The following KCNB2 variants were observed in gnomAD, a reference collection of about 807,000 sequenced individuals.
KCNB2 encodes the protein potassium voltage-gated channel subfamily B member 2.
KCNB2 carries 15 observed loss-of-function variants against 61.5 expected under a neutral mutation model. The observed-to-expected ratio is 0.24, with a 90% CI of 0.16 to 0.38. The LOEUF (loss-of-function observed/expected upper bound fraction) is 0.38, where lower values mean the gene tolerates loss of function less well. KCNB2 is among the 10% of genes least tolerant of loss of function. The pLI is 1.00. For synonymous variants in KCNB2, 457 were observed against 446.0 expected (o/e 1.02, Z -0.31); for missense variants, 828 against 1,125.2 (o/e 0.74, Z 3.78).
intron 2 of KCNB2, among the ~76,000 whole-genome samples, chr8:72,902,780 C>T (rs1236075803): frequency 2.6e-5 from 4 of 152,208 alleles, no homozygotes; most frequent in African/African-American, 4.8e-5. Context: ...GTATTACTGA[C>T]TTGTTCTGTG....
chr8:72,736,075 T>C (rs553579875), intron 2 of KCNB2, among the ~76,000 whole-genome samples: 2 of 152,256 alleles, frequency 1.3e-5, no homozygotes, highest in African/African-American at 4.8e-5. Flanking sequence ...ATTTCTCAAG[T>C]TTTACACCAA....
At chr8:72,658,038 A>G (rs949241615) in intron 2 of KCNB2, among the ~76,000 whole-genome samples, 2 of 152,130 alleles carry the variant, frequency 1.3e-5, no homozygotes, top group African/African-American at 4.8e-5. Flanking sequence ...TAAACCTACA[A>G]TGGCCTCTAA....
At chr8:72,599,018 C>T (rs1212706728) in intron 2 of KCNB2, among the ~76,000 whole-genome samples, 1 of 152,182 alleles carries the variant, frequency 6.6e-6, no homozygotes, top group Admixed American at 6.5e-5. Flanking sequence ...AATGGCCATA[C>T]TGCCCAAGGT....
intron 2 of KCNB2, among the ~76,000 whole-genome samples, chr8:72,699,371 T>A (rs1329595860): frequency 6.6e-6 from 1 of 152,224 alleles, no homozygotes; most frequent in Non-Finnish European, 1.5e-5. Context: ...TTCATATGTT[T>A]GTTGGCCGCA....
intron 2 of KCNB2, among the ~76,000 whole-genome samples, chr8:72,585,460 G>T (rs1449145938): frequency 6.6e-6 from 1 of 152,172 alleles, no homozygotes; most frequent in Non-Finnish European, 1.5e-5. Flanking sequence ...TCTTTCTGAT[G>T]CTTAAATTAG....
At chr8:72,767,576 T>A (rs1808480645) in intron 2 of KCNB2, among the ~76,000 whole-genome samples, 1 of 152,230 alleles carries the variant, frequency 6.6e-6, no homozygotes, top group Non-Finnish European at 1.5e-5. Flanking sequence ...TTTTTATTGT[T>A]GAATAACGTT....
intron 2 of KCNB2, among the ~76,000 whole-genome samples, chr8:72,711,765 G>A (rs565524756): frequency 0.015 from 1,001 of 68,076 alleles, 10 homozygotes; most frequent in African/African-American, 0.11. Context: ...CAAGGTGGGC[G>A]GCATTTGAGG....
chr8:72,659,300 A>C (rs2962309), intron 2 of KCNB2, among the ~76,000 whole-genome samples: 1 of 152,138 alleles, frequency 6.6e-6, no homozygotes, highest in Non-Finnish European at 1.5e-5. Context: ...AACAAGAATT[A>C]GAATTGGAGG....
intron 2 of KCNB2, among the ~76,000 whole-genome samples, chr8:72,857,153 A>G (rs1282357228): frequency 1.3e-5 from 2 of 152,172 alleles, no homozygotes; most frequent in African/African-American, 2.4e-5. Flanking sequence ...CAGCCATACA[A>G]TCACTGTCTT....
chr8:72,682,361 T>C (rs1485835839), intron 2 of KCNB2, among the ~76,000 whole-genome samples: 1 of 152,126 alleles, frequency 6.6e-6, no homozygotes. Context: ...ACCATACCTT[T>C]TGGAATTTAA....
At chr8:72,792,920 A>G (rs866897899) in intron 2 of KCNB2, among the ~76,000 whole-genome samples, 1 of 152,238 alleles carries the variant, frequency 6.6e-6, no homozygotes, top group Non-Finnish European at 1.5e-5. Context: ...CTGATTAAAT[A>G]TCTTAGAATT....
At chr8:72,760,245 T>C (rs1808355396) in intron 2 of KCNB2, among the ~76,000 whole-genome samples, 1 of 152,208 alleles carries the variant, frequency 6.6e-6, no homozygotes. Flanking sequence ...CTCTCTGAGC[T>C]TCCATTCTCT....
Position 72,930,298 on chromosome 8 carries a change from C to A in KCNB2, c.580-5637C>A, listed in dbSNP as rs1302374271. 3.3e-5 allele frequency among the ~76,000 whole-genome samples: 5 copies of A among 151,900 alleles called. No individual in the cohort carries two copies. The East Asian group carries it at 9.7e-4, about 30-fold the overall frequency. ...TCTTTATAGCAGCATGATTTATAGT[C>A]CTTTGGGTATATACCCAGTAATGGG... is the stretch of plus-strand genomic sequence containing the variant. On this transcript the variant is annotated intron_variant, in intron 2 of 2. Transcript: ENST00000523207.
chr8:72,816,814 C>T (rs1809403327), intron 2 of KCNB2, among the ~76,000 whole-genome samples: 1 of 152,154 alleles, frequency 6.6e-6, no homozygotes, highest in Non-Finnish European at 1.5e-5. Flanking sequence ...CAAACCAGAT[C>T]AATGGTGGGC....
intron 2 of KCNB2, among the ~76,000 whole-genome samples, chr8:72,819,326 G>A (rs1015214137): frequency 3.3e-5 from 5 of 151,924 alleles, no homozygotes; most frequent in Non-Finnish European, 7.4e-5. Context: ...TTCAGAAATA[G>A]CACCCAATCC....
At chr8:72,827,133 G>C (rs1809608126) in intron 2 of KCNB2, among the ~76,000 whole-genome samples, 1 of 152,154 alleles carries the variant, frequency 6.6e-6, no homozygotes, top group Non-Finnish European at 1.5e-5. Flanking sequence ...ACTTAGCAGG[G>C]AGAGATTGAC....
chr8:72,611,171 G>A lies in KCNB2; in HGVS notation c.579+42858G>A, dbSNP rs552484234. Among the ~76,000 whole-genome samples, 15 of 152,276 alleles carry A rather than the reference G, an allele frequency of 9.9e-5. 1 individual carries two copies. In the South Asian group the frequency reaches 3.1e-3, roughly 32 times the overall value. ...ACTGAGACCCATCTTTTAATCCTCA[G>A]AATGTTATTAGTATTTTCTTATAGA... On this transcript the variant is annotated intron_variant, in intron 2 of 2. Coordinates refer to ENST00000523207, the MANE Select transcript of KCNB2 (RefSeq NM_004770.3).
chr8:72,854,658 G>T (rs1367689832), intron 2 of KCNB2, among the ~76,000 whole-genome samples: 2 of 152,098 alleles, frequency 1.3e-5, no homozygotes, highest in Admixed American at 6.6e-5. Flanking sequence ...TATAAAAATA[G>T]TGAAAGTTGA....
chr8:72,751,347 A>C (rs1386484210), intron 2 of KCNB2: 9 of 152,188 alleles, frequency 5.9e-5, no homozygotes. Flanking sequence ...ATTCTTATGC[A>C]TGGATATTAA....
Sources: gnomAD v4.1 joint callset for allele counts (sites outside exome capture counted in the v4.1 genomes callset) on GRCh38, gnomAD v4.1.1 for gene constraint, MANE v1.5 for transcripts, NCBI Gene and HGNC (gene_info 2026-07-23, HGNC 2026-07-21) for gene names.